Variants in VPS41 observed in about 807,000 individuals in gnomAD.
VPS41 encodes vacuolar protein sorting-associated protein 41 homolog.
Under a neutral mutation model 130.9 loss-of-function variants are expected in VPS41, and 85 were observed. The ratio of observed to expected loss-of-function variants is 0.65; its 90% CI spans 0.55 to 0.78. The LOEUF is 0.78. Ranked by LOEUF, VPS41 falls within the 30% of genes least tolerant of loss-of-function variation. The pLI, the probability that VPS41 is intolerant of heterozygous loss-of-function variation, is 0.00. For synonymous variants in VPS41, 335 were observed against 332.9 expected, an observed-to-expected ratio of 1.01 and a Z score of -0.07; for missense variants, 874 against 1,018.7, an observed-to-expected ratio of 0.86 and a Z score of 1.93.
At chr7:38,762,688 T>C (rs539834395) in intron 17 of VPS41, among the ~76,000 whole-genome samples, 42 of 152,294 alleles carry the variant, frequency 2.8e-4, no homozygotes, top group Admixed American at 9.2e-4. Flanking sequence ...GCTATTTGAC[T>C]GATAATGTGA....
intron 10 of VPS41, among the ~76,000 whole-genome samples, chr7:38,787,852 T>C (rs1025768200): frequency 6.6e-6 from 1 of 152,186 alleles, no homozygotes; most frequent in East Asian, 1.9e-4. Context: ...AGGTTTACTC[T>C]TAAGAGGGGA....
chr7:38,898,219 A>G, intron 1 of VPS41, 90 bp from the exon 2 acceptor site: 2 of 1,080,586 alleles, frequency 1.9e-6, no homozygotes, highest in Non-Finnish European at 2.8e-6. Context: ...TCCTACTACC[A>G]CGCATCTGCC....
chr7:38,805,522 A>G (rs1784823568), intron 7 of VPS41, among the ~76,000 whole-genome samples: 1 of 151,786 alleles, frequency 6.6e-6, no homozygotes, highest in African/African-American at 2.4e-5. Context: ...ACAGAGTGAG[A>G]GTCTGTCTCA....
chr7:38,769,721 A>G (rs1362254347), intron 14 of VPS41, among the ~76,000 whole-genome samples: 2 of 152,178 alleles, frequency 1.3e-5, no homozygotes, highest in Non-Finnish European at 2.9e-5. Context: ...AGTTTACTGT[A>G]TCTTCCATCT....
intron 2 of VPS41, among the ~76,000 whole-genome samples, chr7:38,889,494 C>A (rs1786811717): frequency 6.7e-6 from 1 of 150,322 alleles, no homozygotes; most frequent in Admixed American, 6.6e-5. Context: ...TATCTTATGT[C>A]CTCAAAGAAA....
intron 4 of VPS41, among the ~76,000 whole-genome samples, chr7:38,849,855 T>C (rs1785812667): frequency 1.3e-5 from 2 of 151,988 alleles, no homozygotes; most frequent in Non-Finnish European, 2.9e-5. Flanking sequence ...TCCTTAGGTA[T>C]AGGCCCAGGG....
chr7:38,882,835 T>C (rs1263577246), intron 2 of VPS41, among the ~76,000 whole-genome samples: 2 of 152,140 alleles, frequency 1.3e-5, no homozygotes, highest in Non-Finnish European at 2.9e-5. Flanking sequence ...TAACAAAGCC[T>C]CCCCAATGGT....
At chr7:38,821,577 C>T (rs1196292847) in intron 5 of VPS41, among the ~76,000 whole-genome samples, 3 of 151,716 alleles carry the variant, frequency 2.0e-5, no homozygotes, top group Admixed American at 6.6e-5. Flanking sequence ...GGCATGGTGG[C>T]GTGCATCTGT....
intron 4 of VPS41, among the ~76,000 whole-genome samples, chr7:38,851,579 G>A (rs917866141): frequency 3.9e-5 from 6 of 152,254 alleles, no homozygotes; most frequent in African/African-American, 7.2e-5. Flanking sequence ...GCAAATGGAC[G>A]TATAGATTGT....
chr7:38,904,874 C>T (rs1019262513), intron 1 of VPS41, among the ~76,000 whole-genome samples: 2 of 152,092 alleles, frequency 1.3e-5, no homozygotes, highest in Non-Finnish European at 1.5e-5. Flanking sequence ...AATAGATGGT[C>T]TAATCGTGGA....
At chr7:38,887,689 A>G (rs1786765031) in intron 2 of VPS41, among the ~76,000 whole-genome samples, 1 of 152,118 alleles carries the variant, frequency 6.6e-6, no homozygotes. Flanking sequence ...CACCACAAAG[A>G]TACTCCTCGA....
rs907654166 is a variant in VPS41, at chr7:38,725,302, A to G, written c.*944T>C. On this transcript the variant is annotated 3_prime_UTR_variant, in exon 29 of 29. Coordinates refer to ENST00000310301, the MANE Select transcript of VPS41 (RefSeq NM_014396.4). Reference sequence around the variant, plus strand: ...AGTTTGACTTTTCTCCCTCTATGATATGCTCTGTTCCATGAGGGCAATGGA... The same window carrying G: ...AGTTTGACTTTTCTCCCTCTATGATGTGCTCTGTTCCATGAGGGCAATGGA... The G allele has an allele frequency of 1.3e-5, 2 of 152,232 alleles. No homozygotes were observed. The highest frequency in any genetic ancestry group is 2.4e-5 in the African/African-American group (1 of 41,434). 9.4% of individuals were successfully genotyped at this position (152,232 alleles called of 1,614,324 possible). A position where few individuals can be genotyped will look rare whatever the true frequency, so the allele number is the denominator to read the frequency against.
intron 4 of VPS41, among the ~76,000 whole-genome samples, chr7:38,839,896 G>A (rs565484788): frequency 6.6e-6 from 1 of 152,266 alleles, no homozygotes; most frequent in East Asian, 1.9e-4. Context: ...CTTTCATGAA[G>A]CTCTCTTGAA....
intron 2 of VPS41, among the ~76,000 whole-genome samples, chr7:38,894,351 C>G (rs925581905): frequency 6.6e-6 from 1 of 151,952 alleles, no homozygotes; most frequent in Non-Finnish European, 1.5e-5. Context: ...CCATCAACAT[C>G]CTGACTACTT....
At chr7:38,832,377 C>CG (rs1300864373) in intron 4 of VPS41, among the ~76,000 whole-genome samples, 8 of 141,522 alleles carry the variant, frequency 5.7e-5, no homozygotes, top group African/African-American at 2.1e-4. Context: ...TACAGTGCAG[C>CG]GGCACAATCT....
rs1178006919 is a variant in VPS41, at chr7:38,821,174, A to T, written c.384+29T>A. The T allele has an allele frequency of 4.4e-6, 7 of 1,587,444 alleles. 1 individual carries two copies. The South Asian group carries it at 7.8e-5, about 18-fold the overall frequency. On this transcript the variant is annotated intron_variant, in intron 6 of 28. Coordinates refer to ENST00000310301, the MANE Select transcript of VPS41 (RefSeq NM_014396.4). ...TATTGCCTTACTTGAGAAAACCCTT[A>T]GAAAAAGTAAAACTTGCTGAATACT...
At chr7:38,876,612 A>C (rs1786497557) in intron 2 of VPS41, among the ~76,000 whole-genome samples, 1 of 152,184 alleles carries the variant, frequency 6.6e-6, no homozygotes, top group African/African-American at 2.4e-5. Context: ...AAAACGGTTC[A>C]ACATCCTCTT....
intron 10 of VPS41, among the ~76,000 whole-genome samples, chr7:38,783,638 GT>G (rs1784391353): frequency 6.6e-6 from 1 of 152,060 alleles, no homozygotes; most frequent in African/African-American, 2.4e-5. Flanking sequence ...TTCTGAGGAG[GT>G]ACAGATGAGG....
Position 38,805,700 on chromosome 7 carries a change from T to C in VPS41, c.451-8836A>G, listed in dbSNP as rs566326820. 1.0e-3 allele frequency among the ~76,000 whole-genome samples: 155 copies of C among 152,280 alleles called. 2 individuals carry two copies. The highest frequency in any genetic ancestry group is 3.4e-3 in the Middle Eastern group (1 of 294). ...CATTAACTGGACACACTGGTCAGCA[T>C]TGATAGCTTTCATGGAAGTGGCAGA... On this transcript the variant is annotated intron_variant, in intron 7 of 28. Transcript: ENST00000310301.
Sources: gnomAD v4.1 joint callset for allele counts (sites outside exome capture counted in the v4.1 genomes callset) on GRCh38, gnomAD v4.1.1 for gene constraint, MANE v1.5 for transcripts, NCBI Gene and HGNC (gene_info 2026-07-23, HGNC 2026-07-21) for gene names.